The following MACROD2 variants were observed in gnomAD, a reference collection of about 807,000 sequenced individuals.
The protein encoded by MACROD2 is ADP-ribose glycohydrolase MACROD2.
In MACROD2, 36 loss-of-function variants were observed where a neutral mutation model predicts 70.4. That is an observed-to-expected ratio of 0.51 (90% CI 0.39 to 0.68). The LOEUF (loss-of-function observed/expected upper bound fraction) is 0.68, where lower values mean the gene tolerates loss of function less well. Among genes scored for constraint, MACROD2 ranks in the 30% least tolerant of loss-of-function variants. The pLI is 0.00. For missense variants in MACROD2, 496 were observed against 538.4 expected (o/e 0.92, Z 0.78); for synonymous variants, 172 against 178.8 (o/e 0.96, Z 0.30).
intron 8 of MACROD2, among the ~76,000 whole-genome samples, chr20:15,670,527 T>G (rs140718132): frequency 1.3e-5 from 2 of 152,352 alleles, no homozygotes; most frequent in South Asian, 2.1e-4. Flanking sequence ...ACCTCCTGAT[T>G]GCCTGTTGCT....
chr20:16,029,098 G>A (rs979251757), intron 15 of MACROD2, among the ~76,000 whole-genome samples: 2 of 152,164 alleles, frequency 1.3e-5, no homozygotes, highest in Non-Finnish European at 2.9e-5. Context: ...GTCCTCGCAT[G>A]GCAGAGCAGA....
At chr20:14,766,310 G>T (rs2072088712) in intron 5 of MACROD2, among the ~76,000 whole-genome samples, 1 of 151,916 alleles carries the variant, frequency 6.6e-6, no homozygotes, top group Non-Finnish European at 1.5e-5. Context: ...ATTTACTCTG[G>T]CATGGTCCTT....
At chr20:15,050,243 G>A (rs1178103807) in intron 5 of MACROD2, among the ~76,000 whole-genome samples, 1 of 152,148 alleles carries the variant, frequency 6.6e-6, no homozygotes, top group East Asian at 1.9e-4. Flanking sequence ...AATTATGCAT[G>A]TTAATATGGT....
intron 5 of MACROD2, among the ~76,000 whole-genome samples, chr20:15,170,070 G>C (rs958930953): frequency 2.6e-5 from 4 of 152,180 alleles, no homozygotes; most frequent in Non-Finnish European, 5.9e-5. Context: ...GTAATCAGTA[G>C]TTAATAGAAT....
intron 3 of MACROD2, chr20:14,324,735 T>C (rs1333014936): frequency 6.6e-6 from 1 of 152,174 alleles, no homozygotes; most frequent in Non-Finnish European, 1.5e-5. Context: ...GTTTTGGTAT[T>C]TGTGTTCATT....
rs147835277 is a variant in MACROD2 at position 14,374,544 on chromosome 20, T to C, written c.272-118935T>C. On this transcript the variant is annotated intron_variant, in intron 3 of 17. Transcript: ENST00000684519. ...CATATTCGATATGGCAAAGGTATTC[T>C]TCAGTCTTGCTAATAAGAATATCTT... Among the ~76,000 whole-genome samples the C allele has an allele frequency of 3.6e-3, 546 of 152,302 alleles. 6 individuals are homozygous for C. The highest frequency in any genetic ancestry group is 0.012 in the African/African-American group (513 of 41,568).
chr20:15,621,096 G>A (rs186501560), intron 8 of MACROD2, among the ~76,000 whole-genome samples: 1 of 152,176 alleles, frequency 6.6e-6, no homozygotes, highest in Non-Finnish European at 1.5e-5. Context: ...ACTTGGGGAT[G>A]TCACTTTGTT....
At chr20:15,495,347 A>G (rs1233166581) in intron 7 of MACROD2, among the ~76,000 whole-genome samples, 2 of 152,200 alleles carry the variant, frequency 1.3e-5, no homozygotes, top group Non-Finnish European at 2.9e-5. Context: ...GTCCACTGAA[A>G]GCAGGCATAT....
At chr20:15,729,086 G>T (rs543157503) in intron 8 of MACROD2, among the ~76,000 whole-genome samples, 1 of 152,134 alleles carries the variant, frequency 6.6e-6, no homozygotes, top group East Asian at 1.9e-4. Context: ...TTGTATCTTT[G>T]TTCCCATTAG....
intron 6 of MACROD2, among the ~76,000 whole-genome samples, chr20:15,375,315 A>T (rs2045547600): frequency 6.6e-6 from 1 of 152,164 alleles, no homozygotes; most frequent in South Asian, 2.1e-4. Flanking sequence ...TATAGGGCCA[A>T]ATAATCCACT....
chr20:14,453,246 G>A (rs561255892), intron 3 of MACROD2, among the ~76,000 whole-genome samples: 1 of 152,084 alleles, frequency 6.6e-6, no homozygotes, highest in African/African-American at 2.4e-5. Flanking sequence ...GTTTGTCAGC[G>A]GTTTGGGAAT....
chr20:14,393,410 A>T (rs1007075726), intron 3 of MACROD2, among the ~76,000 whole-genome samples: 3 of 152,180 alleles, frequency 2.0e-5, no homozygotes, highest in African/African-American at 4.8e-5. Flanking sequence ...AGCTATGCCA[A>T]GGGTCAGAAA....
At chr20:15,068,124 A>C (rs966948563) in intron 5 of MACROD2, among the ~76,000 whole-genome samples, 1 of 152,178 alleles carries the variant, frequency 6.6e-6, no homozygotes, top group African/African-American at 2.4e-5. Flanking sequence ...TTTCTCTGCC[A>C]CCCAGAGGAT....
chr20:15,047,645 C>T (rs572145449), intron 5 of MACROD2, among the ~76,000 whole-genome samples: 11 of 152,220 alleles, frequency 7.2e-5, no homozygotes, highest in African/African-American at 2.4e-4. Flanking sequence ...GCCACCCTGC[C>T]CCTCCAATTC....
intron 3 of MACROD2, among the ~76,000 whole-genome samples, chr20:14,110,044 T>C (rs913038285): frequency 3.9e-5 from 6 of 151,994 alleles, no homozygotes; most frequent in Non-Finnish European, 8.8e-5. Context: ...AAGTGGGATT[T>C]ATCCCAGGGA....
chr20:15,100,053 G>T (rs1032175515), intron 5 of MACROD2, among the ~76,000 whole-genome samples: 7 of 151,994 alleles, frequency 4.6e-5, no homozygotes, highest in African/African-American at 1.7e-4. Flanking sequence ...TTTGTGACAG[G>T]TAGAACTTGC....
chr20:14,470,234 T>A (rs1209553952), intron 3 of MACROD2, among the ~76,000 whole-genome samples: 1 of 152,166 alleles, frequency 6.6e-6, no homozygotes, highest in Non-Finnish European at 1.5e-5. Flanking sequence ...CAGACCCTGT[T>A]TGCCGGGGTA....
At chr20:15,406,202 T>C (rs929677210) in intron 6 of MACROD2, among the ~76,000 whole-genome samples, 1 of 152,204 alleles carries the variant, frequency 6.6e-6, no homozygotes, top group African/African-American at 2.4e-5. Context: ...TACATTTGAA[T>C]CACCTGCAAT....
chr20:15,435,834 G>A (rs2046420994), intron 7 of MACROD2, among the ~76,000 whole-genome samples: 1 of 152,120 alleles, frequency 6.6e-6, no homozygotes, highest in Non-Finnish European at 1.5e-5. Context: ...GAGGGAAATA[G>A]TGAAGATTGT....
Sources: gnomAD v4.1 joint callset for allele counts (sites outside exome capture counted in the v4.1 genomes callset) on GRCh38, gnomAD v4.1.1 for gene constraint, MANE v1.5 for transcripts, NCBI Gene and HGNC (gene_info 2026-07-23, HGNC 2026-07-21) for gene names.